TBC1D5: variants seen among roughly 807,000 people sequenced by gnomAD.
TBC1D5 encodes the protein TBC1 domain family member 5, also known as TBC1 domain family, member 5.
Under a neutral mutation model 100.3 loss-of-function variants are expected in TBC1D5, and 75 were observed. The observed-to-expected ratio is 0.75, with a 90% CI of 0.62 to 0.91. TBC1D5 has a LOEUF of 0.91. TBC1D5 is among the 40% of genes least tolerant of loss of function. The pLI is 0.00. For synonymous variants in TBC1D5, 323 were observed against 325.6 expected (o/e 0.99, Z 0.09); for missense variants, 910 against 942.4 (o/e 0.97, Z 0.45).
At chr3:17,699,880 T>C (rs1232689310) in intron 1 of TBC1D5, 1 of 151,772 alleles carries the variant, frequency 6.6e-6, no homozygotes, top group African/African-American at 2.4e-5. Flanking sequence ...CAGTATCTAC[T>C]TTAAAATGGA....
intron 18 of TBC1D5, among the ~76,000 whole-genome samples, chr3:17,201,280 T>C (rs950816205): frequency 6.6e-6 from 1 of 152,168 alleles, no homozygotes; most frequent in African/African-American, 2.4e-5. Context: ...TAGGCAAATA[T>C]GAACCCCAGA....
In TBC1D5 at chr3:17,678,910, G is replaced by C. The variant is rs753666735; in HGVS notation, c.-100-54997C>G. On this transcript the variant is annotated intron_variant, in intron 1 of 21. Transcript: ENST00000253692. ...GTGGTGGACAAAAAAAAGTGGCAAT[G>C]GATTTCTCAGTAGTAACACTGAATG... Among the ~76,000 whole-genome samples the C allele has an allele frequency of 8.6e-5, 13 of 151,046 alleles. 1 individual carries two copies. The highest frequency in any genetic ancestry group is 1.5e-4 in the Non-Finnish European group (10 of 67,966).
rs147453183 is a variant in TBC1D5, at chr3:17,479,786, C to T, written c.97+28688G>A. Among the ~76,000 whole-genome samples the T allele has an allele frequency of 3.3e-4, 50 of 152,324 alleles. 1 individual carries two copies. In the East Asian group the frequency reaches 8.7e-3, roughly 26 times the overall value. On this transcript the variant is annotated intron_variant, in intron 3 of 21. Transcript: ENST00000253692. ...TTCAGCAGTGGCCTGTTTGGTGGGG[C>T]CACTGTGAAGATGCTGGGTGCAGTG... is the stretch of plus-strand genomic sequence containing the variant.
At chr3:17,635,916 G>C (rs1395520678) in intron 1 of TBC1D5, among the ~76,000 whole-genome samples, 1 of 152,118 alleles carries the variant, frequency 6.6e-6, no homozygotes, top group Non-Finnish European at 1.5e-5. Flanking sequence ...GTTTTGGCCG[G>C]ACACGGTGAC....
At chr3:17,659,279 G>C (rs1420306123) in intron 1 of TBC1D5, among the ~76,000 whole-genome samples, 1 of 152,124 alleles carries the variant, frequency 6.6e-6, no homozygotes, top group Non-Finnish European at 1.5e-5. Context: ...AAAAGAAAAA[G>C]TCAAGGTGCT....
At chr3:17,215,233 C>T (rs986059142) in intron 17 of TBC1D5, among the ~76,000 whole-genome samples, 4 of 151,988 alleles carry the variant, frequency 2.6e-5, no homozygotes, top group African/African-American at 9.7e-5. Context: ...TCAGGGGGAA[C>T]AAAGGCAAAA....
chr3:17,636,220 A>G (rs1180170145), intron 1 of TBC1D5, among the ~76,000 whole-genome samples: 1 of 152,160 alleles, frequency 6.6e-6, no homozygotes, highest in Non-Finnish European at 1.5e-5. Flanking sequence ...GATGGGAAAA[A>G]AAACAGCATA....
At chr3:17,447,730 T>C (rs568713950) in intron 3 of TBC1D5, among the ~76,000 whole-genome samples, 1 of 152,218 alleles carries the variant, frequency 6.6e-6, no homozygotes, top group Non-Finnish European at 1.5e-5. Flanking sequence ...AGAATAAACA[T>C]GTCAGTCATT....
At chr3:17,194,800 G>A (rs909258611) in intron 18 of TBC1D5, among the ~76,000 whole-genome samples, 1 of 152,122 alleles carries the variant, frequency 6.6e-6, no homozygotes, top group African/African-American at 2.4e-5. Flanking sequence ...TTAACATTGT[G>A]AGCCATTTTA....
chr3:17,698,258 T>A (rs1346713433), intron 1 of TBC1D5, among the ~76,000 whole-genome samples: 3 of 152,224 alleles, frequency 2.0e-5, no homozygotes, highest in Non-Finnish European at 4.4e-5. Flanking sequence ...AACTATCTGA[T>A]CTTTGACAAA....
chr3:17,429,586 T>A (rs188302218), intron 3 of TBC1D5, among the ~76,000 whole-genome samples: 236 of 152,058 alleles, frequency 1.6e-3, no homozygotes, highest in African/African-American at 5.3e-3. Flanking sequence ...TAGGAAATCA[T>A]CACAGTGGTC....
intron 1 of TBC1D5, among the ~76,000 whole-genome samples, chr3:17,729,016 TAAAAAAAAAA>T (rs34461809): frequency 6.8e-5 from 2 of 29,606 alleles, no homozygotes; most frequent in East Asian, 2.4e-3. Flanking sequence ...TGAAAATCAG[TAAAAAAAAAA>T]AAAAAAAAAA....
chr3:17,523,341 T>C (rs1367052562), intron 2 of TBC1D5, among the ~76,000 whole-genome samples: 1 of 152,132 alleles, frequency 6.6e-6, no homozygotes, highest in Non-Finnish European at 1.5e-5. Context: ...AAACATCTCC[T>C]GGGAGGTAGA....
chr3:17,297,756 T>C (rs1413962160), intron 14 of TBC1D5, among the ~76,000 whole-genome samples: 1 of 151,304 alleles, frequency 6.6e-6, no homozygotes, highest in Non-Finnish European at 1.5e-5. Flanking sequence ...CTAATTCTTT[T>C]TTTTTTTTTT....
At chr3:17,255,424 T>C (rs2077553254) in intron 16 of TBC1D5, among the ~76,000 whole-genome samples, 1 of 151,982 alleles carries the variant, frequency 6.6e-6, no homozygotes, top group South Asian at 2.1e-4. Context: ...ATGGTCTCGA[T>C]CTCCTGACTT....
At chr3:17,530,027 C>A (rs891806592) in intron 2 of TBC1D5, among the ~76,000 whole-genome samples, 1 of 151,954 alleles carries the variant, frequency 6.6e-6, no homozygotes, top group African/African-American at 2.4e-5. Flanking sequence ...GTGGATCACC[C>A]GAGGTCAGGA....
intron 16 of TBC1D5, among the ~76,000 whole-genome samples, chr3:17,246,023 C>T (rs2076708429): frequency 6.6e-6 from 1 of 152,030 alleles, no homozygotes; most frequent in Non-Finnish European, 1.5e-5. Flanking sequence ...TCTCTTTTCC[C>T]ACTTTGAGAA....
At chr3:17,252,006 C>G (rs751503323) in intron 16 of TBC1D5, among the ~76,000 whole-genome samples, 2 of 152,194 alleles carry the variant, frequency 1.3e-5, no homozygotes, top group East Asian at 3.8e-4. Flanking sequence ...AGTCTGCAAT[C>G]TCCTACACTA....
At chr3:17,324,386 T>C (rs937703960) in intron 13 of TBC1D5, among the ~76,000 whole-genome samples, 1 of 152,180 alleles carries the variant, frequency 6.6e-6, no homozygotes, top group Admixed American at 6.5e-5. Context: ...CTCACACCTG[T>C]ATCCTAGCAC....
Sources: gnomAD v4.1 joint callset for allele counts (sites outside exome capture counted in the v4.1 genomes callset) on GRCh38, gnomAD v4.1.1 for gene constraint, MANE v1.5 for transcripts, NCBI Gene and HGNC (gene_info 2026-07-23, HGNC 2026-07-21) for gene names.